SYNPO2: variants seen among roughly 807,000 people sequenced by gnomAD.
SYNPO2 encodes synaptopodin-2.
SYNPO2 carries 56 observed loss-of-function variants against 85.0 expected under a neutral mutation model. The ratio of observed to expected loss-of-function variants is 0.66; its 90% confidence interval spans 0.53 to 0.82. The LOEUF is 0.82. SYNPO2 is among the 40% of genes least tolerant of loss of function. The pLI, the probability that SYNPO2 is intolerant of heterozygous loss-of-function variation, is 0.00. For missense variants in SYNPO2, 1,575 were observed against 1,534.2 expected (o/e 1.03, Z -0.44); for synonymous variants, 602 against 591.1 (o/e 1.02, Z -0.27).
At chr4:118,900,703 CTATATATA>C (rs373144800) in intron 1 of SYNPO2, among the ~76,000 whole-genome samples, 30 of 43,874 alleles carry the variant, frequency 6.8e-4, no homozygotes, top group Admixed American at 1.8e-3. Flanking sequence ...CTCTCTCTCT[CTATATATA>C]TATATATATA....
At position 119,034,793 on chromosome 4, in the gene SYNPO2, C is replaced by T. The variant is rs1262649848; in HGVS notation, c.3252+2766C>T. 4.1e-6 allele frequency: 4 copies of T among 985,366 alleles called. No individual in the cohort carries two copies. The African/African-American group carries it at 5.2e-5, about 13-fold the overall frequency. The allele number at this position is 985,366 out of a possible 1,614,324, so 61.0% of individuals were successfully genotyped here. ...ATATGTGCCACCTTTCAGGTTGGGG[C>T]CAAGGAAGTGATGTCAGTGTGACAG... On this transcript the variant is annotated intron_variant, in intron 4 of 4. Coordinates refer to ENST00000307142, the MANE Select transcript of SYNPO2 (RefSeq NM_133477.3).
chr4:118,909,124 C>G (rs1273265449), intron 1 of SYNPO2, among the ~76,000 whole-genome samples: 1 of 152,062 alleles, frequency 6.6e-6, no homozygotes, highest in Admixed American at 6.6e-5. Flanking sequence ...ACACACGGCT[C>G]ATATGTACCC....
At chr4:118,999,326 A>G (rs550061220) in intron 1 of SYNPO2, among the ~76,000 whole-genome samples, 6 of 151,550 alleles carry the variant, frequency 4.0e-5, no homozygotes, top group Non-Finnish European at 8.8e-5. Context: ...TTTTTTTTTA[A>G]TTTTTTGTAG....
chr4:118,879,280 A>G (rs191061754), intron 1 of SYNPO2, among the ~76,000 whole-genome samples: 2 of 152,172 alleles, frequency 1.3e-5, no homozygotes, highest in African/African-American at 4.8e-5. Context: ...AATTCTGAAC[A>G]CAGAAGTGCC....
rs986148846 is a variant in SYNPO2, at chr4:119,058,822, A to G, written c.*888A>G. On this transcript the variant is annotated 3_prime_UTR_variant, in exon 5 of 5. Transcript: ENST00000307142. The stretch of plus-strand genomic sequence containing the variant: ...ATCTAATAAATCTTAGATTTTTAAA[A>G]AAGAATTAAAATGTGGGAGTTCTCA... 1 of 152,202 alleles carries G rather than the reference A, an allele frequency of 6.6e-6. No individual in the cohort carries two copies. The highest frequency in any genetic ancestry group is 1.5e-5 in the Non-Finnish European group (1 of 68,042). The allele number at this position is 152,202 out of a possible 1,614,324, so 9.4% of individuals were successfully genotyped here.
At chr4:118,991,892 G>A (rs1038662006) in intron 1 of SYNPO2, among the ~76,000 whole-genome samples, 2 of 152,208 alleles carry the variant, frequency 1.3e-5, no homozygotes, top group Non-Finnish European at 2.9e-5. Flanking sequence ...CTTGGCTGAG[G>A]AAGTGAAAGT....
intron 1 of SYNPO2, among the ~76,000 whole-genome samples, chr4:119,018,527 G>A (rs1195467316): frequency 1.3e-5 from 2 of 152,074 alleles, no homozygotes; most frequent in East Asian, 1.9e-4. Context: ...GTTCTCCATA[G>A]TGACTGGACT....
chr4:118,987,071 T>C (rs1378392753), intron 1 of SYNPO2, among the ~76,000 whole-genome samples: 2 of 152,228 alleles, frequency 1.3e-5, no homozygotes, highest in Admixed American at 6.5e-5. Context: ...ATCATTGTTC[T>C]TGGTGAAACT....
intron 1 of SYNPO2, among the ~76,000 whole-genome samples, chr4:118,997,530 T>G (rs1736652992): frequency 6.6e-6 from 1 of 152,206 alleles, no homozygotes; most frequent in African/African-American, 2.4e-5. Context: ...ACCTGCATCT[T>G]CTGGTCAGTG....
intron 1 of SYNPO2, among the ~76,000 whole-genome samples, chr4:118,958,854 T>A (rs57720794): frequency 0.37 from 56,074 of 151,916 alleles, 10,364 homozygotes; most frequent in Middle Eastern, 0.48. Context: ...CCTTCTAGCC[T>A]CTAAGGAACC....
intron 1 of SYNPO2, among the ~76,000 whole-genome samples, chr4:118,926,690 C>G (rs1026581831): frequency 6.6e-6 from 1 of 152,058 alleles, no homozygotes; most frequent in African/African-American, 2.4e-5. Context: ...AGAATATGAT[C>G]AGTTAAAAGA....
chr4:118,929,297 TG>T (rs1733840241), intron 1 of SYNPO2, among the ~76,000 whole-genome samples: 1 of 152,046 alleles, frequency 6.6e-6, no homozygotes, highest in Non-Finnish European at 1.5e-5. Flanking sequence ...AATAAGGAAC[TG>T]GCCAATTCTT....
upstream of SYNPO2, among the ~76,000 whole-genome samples, chr4:118,884,135 CTT>C (rs965347826): frequency 2.6e-5 from 4 of 152,170 alleles, no homozygotes; most frequent in African/African-American, 9.7e-5. Flanking sequence ...CAAATCTGCT[CTT>C]TGTTTCTGAT....
intron 4 of SYNPO2, chr4:119,042,418 A>C (rs1247998694): frequency 4.6e-5 from 7 of 152,144 alleles, no homozygotes; most frequent in Non-Finnish European, 1.0e-4. Flanking sequence ...AGATTGTATG[A>C]CTTCCCTTGG....
At chr4:118,957,068 A>T (rs13151719) in intron 1 of SYNPO2, among the ~76,000 whole-genome samples, 26,979 of 151,890 alleles carry the variant, frequency 0.18, 2,790 homozygotes, top group East Asian at 0.26. Flanking sequence ...AAAATAAAAA[A>T]AATAAAAAAA....
intron 2 of SYNPO2, among the ~76,000 whole-genome samples, chr4:119,023,891 C>T (rs573688252): frequency 1.6e-4 from 25 of 152,184 alleles, no homozygotes; most frequent in Admixed American, 4.6e-4. Context: ...TTTGATAGGT[C>T]AAGATTTTGT....
At chr4:118,881,493 G>A (rs1732098954) in intron 1 of SYNPO2, among the ~76,000 whole-genome samples, 1 of 152,086 alleles carries the variant, frequency 6.6e-6, no homozygotes. Context: ...TGTTGCTTAG[G>A]CCACCCAATC....
rs1734553455 is a variant in SYNPO2 at position 118,947,686 on chromosome 4, G to A, written c.105+58545G>A. Reference sequence around the variant, plus strand: ...GATTCTCTTGTTAAAAGGCTGTTTCGAACCATATGTAAAATTAAATCAACA... The same window carrying A: ...GATTCTCTTGTTAAAAGGCTGTTTCAAACCATATGTAAAATTAAATCAACA... On this transcript the variant is annotated intron_variant, in intron 1 of 4. Transcript: ENST00000307142. Among the ~76,000 whole-genome samples, 4 of 152,238 alleles carry A rather than the reference G, an allele frequency of 2.6e-5. No homozygotes were observed. The South Asian group carries it at 8.3e-4, about 32-fold the overall frequency.
intron 1 of SYNPO2, among the ~76,000 whole-genome samples, chr4:118,979,486 G>C (rs1452607826): frequency 6.6e-6 from 1 of 152,022 alleles, no homozygotes; most frequent in East Asian, 1.9e-4. Context: ...CTTACTATTG[G>C]CTGCCTTATT....
Sources: gnomAD v4.1 joint callset for allele counts (sites outside exome capture counted in the v4.1 genomes callset) on GRCh38, gnomAD v4.1.1 for gene constraint, MANE v1.5 for transcripts, NCBI Gene and HGNC (gene_info 2026-07-23, HGNC 2026-07-21) for gene names.